Variants in RASGRF2 observed in about 807,000 individuals in gnomAD.
RASGRF2 encodes ras-specific guanine nucleotide-releasing factor 2.
RASGRF2 carries 76 observed loss-of-function variants against 151.0 expected under a neutral mutation model. The ratio of observed to expected loss-of-function variants is 0.50; its 90% CI spans 0.42 to 0.61. RASGRF2 has a LOEUF of 0.61. Ranked by LOEUF, RASGRF2 falls within the 20% of genes least tolerant of loss-of-function variation. The probability of loss-of-function intolerance (pLI) is 0.00; values close to 1 mark genes in which losing one functional copy is unlikely to be tolerated. For missense variants in RASGRF2, 1,148 were observed against 1,564.6 expected (o/e 0.73, Z 4.49); for synonymous variants, 504 against 566.5 (o/e 0.89, Z 1.57).
intron 17 of RASGRF2, among the ~76,000 whole-genome samples, chr5:81,168,207 C>A (rs1482741778): frequency 6.6e-6 from 1 of 151,968 alleles, no homozygotes; most frequent in Non-Finnish European, 1.5e-5. Context: ...CTTTTCACCT[C>A]CTTAAGAACT....
intron 17 of RASGRF2, among the ~76,000 whole-genome samples, chr5:81,135,168 A>G (rs889927435): frequency 6.6e-6 from 1 of 151,154 alleles, no homozygotes; most frequent in African/African-American, 2.4e-5. Context: ...ATAGCTGCAT[A>G]TGGTGGCACA....
chr5:81,197,139 T>C (rs1211441342), intron 18 of RASGRF2, among the ~76,000 whole-genome samples: 1 of 152,218 alleles, frequency 6.6e-6, no homozygotes, highest in East Asian at 1.9e-4. Context: ...TTCTGAAGAA[T>C]TGGGACTATG....
rs116283394 is a variant in RASGRF2, at chr5:81,070,203, G to A, written c.544-289G>A. 4.7e-3 allele frequency: 1,654 copies of A among 349,110 alleles called. 32 individuals are homozygous for A. Among genetic ancestry groups the A allele is most frequent in the African/African-American group, 0.029 (1,398 of 47,678 alleles). The allele number at this position is 349,110 out of a possible 1,614,324, so 21.6% of individuals were successfully genotyped here. A position where few individuals can be genotyped will look rare whatever the true frequency, so the allele number is the denominator to read the frequency against. ...ACTGGACTCCTGACAAGGTCTTGGCGGGCTCACCACTGGCAGCTGGGGCTG... is the reference window on the plus strand; with the variant it reads ...ACTGGACTCCTGACAAGGTCTTGGCAGGCTCACCACTGGCAGCTGGGGCTG... On this transcript the variant is annotated intron_variant, in intron 3 of 26. Transcript: ENST00000265080.
chr5:81,031,609 A>G (rs1750250845), intron 1 of RASGRF2, among the ~76,000 whole-genome samples: 2 of 152,238 alleles, frequency 1.3e-5, no homozygotes, highest in African/African-American at 4.8e-5. Context: ...AATGAGAACA[A>G]AGACACCACA....
At chr5:81,131,647 G>A (rs539537956) in intron 17 of RASGRF2, among the ~76,000 whole-genome samples, 85 of 150,698 alleles carry the variant, frequency 5.6e-4, no homozygotes, top group Middle Eastern at 6.8e-3. Flanking sequence ...GAGCCACTGC[G>A]CCTGGCCTCA....
intron 1 of RASGRF2, among the ~76,000 whole-genome samples, chr5:80,962,399 A>C (rs1230589357): frequency 3.9e-5 from 6 of 152,118 alleles, no homozygotes. Context: ...ATTTTTTTTC[A>C]GGAATATATA....
chr5:81,177,009 C>A (rs1754790151), intron 17 of RASGRF2, among the ~76,000 whole-genome samples: 1 of 152,140 alleles, frequency 6.6e-6, no homozygotes, highest in South Asian at 2.1e-4. Flanking sequence ...GTTCCCATCT[C>A]CCCATTCCCA....
At chr5:81,078,776 G>A (rs747521077) in intron 5 of RASGRF2, among the ~76,000 whole-genome samples, 25 of 152,282 alleles carry the variant, frequency 1.6e-4, no homozygotes, top group South Asian at 1.5e-3. Flanking sequence ...ATTAGTTTGT[G>A]TTCAACATAG....
chr5:81,002,926 C>T (rs1749124307), intron 1 of RASGRF2, among the ~76,000 whole-genome samples: 1 of 152,174 alleles, frequency 6.6e-6, no homozygotes, highest in Admixed American at 6.5e-5. Flanking sequence ...TATCTTCAAA[C>T]CACATGGAAG....
chr5:81,209,598 A>T (rs1311699723), intron 22 of RASGRF2, among the ~76,000 whole-genome samples: 5 of 152,188 alleles, frequency 3.3e-5, no homozygotes, highest in Non-Finnish European at 7.4e-5. Flanking sequence ...AATGAGCTTC[A>T]GTGCCGCTGC....
At chr5:81,211,906 G>A (rs988439936) in intron 22 of RASGRF2, among the ~76,000 whole-genome samples, 2 of 152,120 alleles carry the variant, frequency 1.3e-5, no homozygotes, top group African/African-American at 4.8e-5. Flanking sequence ...GATCTAACTG[G>A]GGGCAAGTGT....
intron 1 of RASGRF2, among the ~76,000 whole-genome samples, chr5:81,004,227 A>C (rs1308266783): frequency 6.6e-6 from 1 of 152,262 alleles, no homozygotes; most frequent in African/African-American, 2.4e-5. Flanking sequence ...ACTTGCTGCT[A>C]AACGGTAAGC....
At chr5:81,120,408 C>G (rs996985319) in intron 15 of RASGRF2, among the ~76,000 whole-genome samples, 11 of 151,872 alleles carry the variant, frequency 7.2e-5, no homozygotes, top group African/African-American at 2.2e-4. Context: ...GAGACCTTGT[C>G]TCTACTAAAA....
chr5:81,191,967 T>C (rs1300397801), intron 18 of RASGRF2, among the ~76,000 whole-genome samples: 2 of 152,236 alleles, frequency 1.3e-5, no homozygotes, highest in Non-Finnish European at 2.9e-5. Context: ...TGTTCTAACA[T>C]ATCTTCCACA....
chr5:81,123,557 T>C (rs80251966), intron 15 of RASGRF2, 85 bp from the exon 16 acceptor site: 3 of 1,466,462 alleles, frequency 2.0e-6, no homozygotes, highest in East Asian at 2.3e-5. Flanking sequence ...TTATCTGTAA[T>C]GAACTTTTGT....
At chr5:81,087,438 C>T in intron 9 of RASGRF2, 1 of 654,658 alleles carries the variant, frequency 1.5e-6, no homozygotes, top group Non-Finnish European at 2.8e-6. Context: ...TTTGATTCAA[C>T]TGGTAACTCC....
intron 17 of RASGRF2, among the ~76,000 whole-genome samples, chr5:81,143,503 G>T (rs1367431873): frequency 1.3e-5 from 2 of 152,090 alleles, no homozygotes; most frequent in Non-Finnish European, 2.9e-5. Context: ...TTTTAACAAT[G>T]CAGGAATGCT....
At chr5:81,060,686 G>A (rs1015767982) in intron 2 of RASGRF2, among the ~76,000 whole-genome samples, 3 of 152,014 alleles carry the variant, frequency 2.0e-5, no homozygotes, top group South Asian at 2.1e-4. Context: ...ATTTGGACTC[G>A]CAGGAACCCA....
chr5:81,031,637 C>T (rs1750252475), intron 1 of RASGRF2, among the ~76,000 whole-genome samples: 1 of 152,142 alleles, frequency 6.6e-6, no homozygotes. Context: ...ATCTCTGGGA[C>T]ACATTTAAAG....
Sources: gnomAD v4.1 joint callset for allele counts (sites outside exome capture counted in the v4.1 genomes callset) on GRCh38, gnomAD v4.1.1 for gene constraint, MANE v1.5 for transcripts, NCBI Gene and HGNC (gene_info 2026-07-23, HGNC 2026-07-21) for gene names.